The following MEIKIN variants were observed in gnomAD, a reference collection of about 807,000 sequenced individuals.
MEIKIN encodes meiosis-specific kinetochore protein.
intron 11 of MEIKIN, among the ~76,000 whole-genome samples, chr5:131,849,904 A>G (rs1257756997): frequency 6.6e-6 from 1 of 152,104 alleles, no homozygotes; most frequent in Non-Finnish European, 1.5e-5. Context: ...CACAGACAAC[A>G]TGGTATCACT....
At chr5:131,911,779 T>A in intron 8 of MEIKIN, 36 bp downstream of exon 8, 1 of 396,622 alleles carries the variant, frequency 2.5e-6, no homozygotes, top group Non-Finnish European at 4.5e-6. Flanking sequence ...AATATTACAA[T>A]TACTACATAA....
At chr5:131,936,448 T>C (rs966700015) in intron 4 of MEIKIN, among the ~76,000 whole-genome samples, 1 of 152,254 alleles carries the variant, frequency 6.6e-6, no homozygotes, top group African/African-American at 2.4e-5. Context: ...TATTCAAATA[T>C]ACTCGTAGCC....
chr5:131,937,875 A>G (rs1476247539), intron 4 of MEIKIN, among the ~76,000 whole-genome samples: 1 of 151,388 alleles, frequency 6.6e-6, no homozygotes, highest in African/African-American at 2.4e-5. Flanking sequence ...TTTTTCATTT[A>G]TTGGGGTGAG....
At chr5:131,863,129 T>C (rs1750316116) in intron 9 of MEIKIN, among the ~76,000 whole-genome samples, 1 of 152,352 alleles carries the variant, frequency 6.6e-6, no homozygotes, top group Non-Finnish European at 1.5e-5. Flanking sequence ...TCTAATTTTA[T>C]TCCATTGTGG....
intron 11 of MEIKIN, among the ~76,000 whole-genome samples, chr5:131,835,007 T>C (rs928808584): frequency 6.6e-5 from 10 of 152,240 alleles, no homozygotes; most frequent in South Asian, 4.1e-4. Flanking sequence ...TATGAGGTCA[T>C]CTCTCATTGT....
At chr5:131,820,499 G>A (rs1194792460) in intron 11 of MEIKIN, among the ~76,000 whole-genome samples, 1 of 152,100 alleles carries the variant, frequency 6.6e-6, no homozygotes, top group African/African-American at 2.4e-5. Flanking sequence ...TTTTTGATGT[G>A]TCTTTCTCTG....
At position 131,921,956 on chromosome 5, in the gene MEIKIN, A is replaced by G. The variant is rs1178382835; in HGVS notation, c.479-15T>C. The G allele has an allele frequency of 2.5e-6, 1 of 398,740 alleles. No homozygotes were observed. The highest frequency in any genetic ancestry group is 4.4e-6 in the Non-Finnish European group (1 of 225,958). The allele number at this position is 398,740 out of a possible 1,614,324, so 24.7% of individuals were successfully genotyped here. On this transcript the variant is annotated splice_polypyrimidine_tract_variant and intron_variant, in intron 5 of 12. Transcript: ENST00000442687. ...ACACTCCCAGTCTAAAACAGCAGAG[A>G]AGAAATAGTGTAAGACTTTGAACAA...
intron 11 of MEIKIN, among the ~76,000 whole-genome samples, chr5:131,848,763 A>G (rs1404636603): frequency 6.6e-6 from 1 of 152,210 alleles, no homozygotes; most frequent in African/African-American, 2.4e-5. Context: ...ATTGAAGAAA[A>G]ATCCTCAACA....
intron 12 of MEIKIN, among the ~76,000 whole-genome samples, chr5:131,813,853 G>C (rs1287929667): frequency 6.6e-6 from 1 of 152,066 alleles, no homozygotes; most frequent in Non-Finnish European, 1.5e-5. Flanking sequence ...ACATAAAAGG[G>C]AGTTTATTAA....
intron 11 of MEIKIN, among the ~76,000 whole-genome samples, chr5:131,820,790 A>G (rs1749484591): frequency 2.0e-5 from 3 of 152,158 alleles, no homozygotes. Flanking sequence ...AATTTTCCAA[A>G]TTATTGGCAT....
At chr5:131,910,396 A>C (rs1751314651) in intron 8 of MEIKIN, among the ~76,000 whole-genome samples, 1 of 152,034 alleles carries the variant, frequency 6.6e-6, no homozygotes. Flanking sequence ...GAGATAGAGA[A>C]TAGAAGGATG....
At chr5:131,862,536 A>C (rs1271155926) in intron 9 of MEIKIN, among the ~76,000 whole-genome samples, 1 of 152,044 alleles carries the variant, frequency 6.6e-6, no homozygotes, top group Non-Finnish European at 1.5e-5. Context: ...TAAATTCTTT[A>C]CTGGAAATCA....
intron 7 of MEIKIN, among the ~76,000 whole-genome samples, 188 bp downstream of exon 7, chr5:131,916,698 G>T (rs569197594): frequency 6.6e-6 from 1 of 152,310 alleles, no homozygotes; most frequent in Admixed American, 6.5e-5. Context: ...TGAGGGCAGA[G>T]ATTTCGTTTT....
At chr5:131,935,941 C>T (rs1340375399) in intron 4 of MEIKIN, among the ~76,000 whole-genome samples, 1 of 152,154 alleles carries the variant, frequency 6.6e-6, no homozygotes, top group Non-Finnish European at 1.5e-5. Flanking sequence ...TCTCCAACTG[C>T]CCTAGAGTGT....
At chr5:131,922,794 G>A (rs1029907975) in intron 5 of MEIKIN, among the ~76,000 whole-genome samples, 1 of 152,080 alleles carries the variant, frequency 6.6e-6, no homozygotes, top group African/African-American at 2.4e-5. Flanking sequence ...ATGATAAAAT[G>A]TTATAAAAAT....
intron 11 of MEIKIN, among the ~76,000 whole-genome samples, chr5:131,839,633 G>C (rs1749869215): frequency 6.6e-6 from 1 of 151,978 alleles, no homozygotes; most frequent in Non-Finnish European, 1.5e-5. Flanking sequence ...GATCTTTGTT[G>C]GTTTATTATC....
At chr5:131,939,235 T>C (rs1751830828) in intron 4 of MEIKIN, among the ~76,000 whole-genome samples, 1 of 152,180 alleles carries the variant, frequency 6.6e-6, no homozygotes. Context: ...AGCATCTAAC[T>C]GTTACTTTTG....
intron 11 of MEIKIN, among the ~76,000 whole-genome samples, chr5:131,831,029 C>G (rs1749707957): frequency 6.6e-6 from 1 of 152,082 alleles, no homozygotes; most frequent in Non-Finnish European, 1.5e-5. Flanking sequence ...TCCCAAGTAG[C>G]TGGGACTATA....
intron 11 of MEIKIN, among the ~76,000 whole-genome samples, chr5:131,840,116 T>C (rs1025164221): frequency 5.9e-5 from 9 of 152,220 alleles, no homozygotes; most frequent in African/African-American, 2.2e-4. Context: ...CCTTCACTTA[T>C]GAATCTTAGT....
Sources: allele counts gnomAD v4.1 joint callset (sites outside exome capture counted in the v4.1 genomes callset), GRCh38; gene constraint gnomAD v4.1.1; transcripts MANE v1.5; gene names NCBI Gene and HGNC (gene_info 2026-07-23, HGNC 2026-07-21).